LIN28B: variants seen among roughly 807,000 people sequenced by gnomAD.
LIN28B encodes lin-28 RNA binding posttranscriptional regulator B.
A neutral mutation model predicts 21.9 loss-of-function variants in LIN28B; 5 were observed. The observed-to-expected ratio is 0.23, with a 90% CI of 0.12 to 0.48. The LOEUF is 0.48. LIN28B is among the 20% of genes least tolerant of loss of function. The pLI is 0.98. For synonymous variants in LIN28B, 109 were observed against 111.3 expected (o/e 0.98, Z 0.13); for missense variants, 245 against 310.5 (o/e 0.79, Z 1.58).
At chr6:104,986,662 G>T (rs1374415155) in intron 2 of LIN28B, among the ~76,000 whole-genome samples, 1 of 152,058 alleles carries the variant, frequency 6.6e-6, no homozygotes, top group African/African-American at 2.4e-5. Flanking sequence ...GTAAGAATTG[G>T]TCATTCTTGT....
chr6:105,022,309 T>G (rs1023087156), intron 2 of LIN28B, among the ~76,000 whole-genome samples: 6 of 152,152 alleles, frequency 3.9e-5, no homozygotes, highest in African/African-American at 1.2e-4. Flanking sequence ...AGAGGCAGAT[T>G]AATAGGAGAA....
At chr6:104,972,280 G>A (rs1299524054) in intron 2 of LIN28B, among the ~76,000 whole-genome samples, 1 of 151,918 alleles carries the variant, frequency 6.6e-6, no homozygotes, top group Non-Finnish European at 1.5e-5. Flanking sequence ...CCTACTGTGA[G>A]TTTTAAAATA....
At chr6:104,979,629 C>T (rs1770178966) in intron 2 of LIN28B, among the ~76,000 whole-genome samples, 2 of 149,928 alleles carry the variant, frequency 1.3e-5, no homozygotes, top group Non-Finnish European at 3.0e-5. Context: ...GGTATTTATG[C>T]TATTAGCTTA....
Position 104,958,120 on chromosome 6 carries a change from G to A in LIN28B, c.32G>A (p.Gly11Glu), listed in dbSNP as rs1298317028. Residue 11 changes from glycine to glutamate, a missense_variant, in exon 2 of 4, where the codon GGA becomes GAA. By Grantham distance (98) the Gly-to-Glu change is moderately conservative. Coordinates refer to ENST00000345080, the MANE Select transcript of LIN28B (RefSeq NM_001004317.4). ...TCAGGCGGGGCTAGCAAAGGTGGTG[G>A]AGAAGAGCCCGGGAAGCTGCCGGAG... MAEGGASKGG[G>E]EEPGKLPEPA... 2 of 1,597,466 alleles carry A rather than the reference G, an allele frequency of 1.3e-6. No homozygotes were observed. The highest frequency in any genetic ancestry group is 1.7e-6 in the Non-Finnish European group (2 of 1,168,460).
intron 2 of LIN28B, among the ~76,000 whole-genome samples, chr6:104,965,493 A>G (rs1769836456): frequency 6.6e-6 from 1 of 152,226 alleles, no homozygotes; most frequent in Non-Finnish European, 1.5e-5. Flanking sequence ...ATTGCACTCC[A>G]GTCTGGACGA....
chr6:105,040,654 G>A (rs1771613837), intron 3 of LIN28B, among the ~76,000 whole-genome samples: 1 of 151,874 alleles, frequency 6.6e-6, no homozygotes, highest in Non-Finnish European at 1.5e-5. Context: ...ATAATTTAGA[G>A]CCCACAACTT....
intron 2 of LIN28B, among the ~76,000 whole-genome samples, chr6:104,971,745 GTTAAAT>G (rs1769988789): frequency 1.3e-5 from 2 of 151,740 alleles, no homozygotes; most frequent in Non-Finnish European, 2.9e-5. Flanking sequence ...TGTTTACTTA[GTTAAAT>G]TTAAATTTTT....
intron 2 of LIN28B, among the ~76,000 whole-genome samples, chr6:105,007,699 T>C (rs959644250): frequency 6.6e-6 from 1 of 152,062 alleles, no homozygotes; most frequent in African/African-American, 2.4e-5. Context: ...AAATTTTTGT[T>C]TGTTTGTTTT....
intron 2 of LIN28B, among the ~76,000 whole-genome samples, chr6:105,006,531 C>T (rs1047759203): frequency 3.3e-5 from 5 of 152,164 alleles, no homozygotes; most frequent in African/African-American, 1.2e-4. Context: ...AGGCTGGTCT[C>T]GAACTCCTGA....
intron 2 of LIN28B, among the ~76,000 whole-genome samples, chr6:104,975,379 T>G (rs1770069160): frequency 6.6e-6 from 1 of 152,128 alleles, no homozygotes; most frequent in African/African-American, 2.4e-5. Context: ...TACATTAACA[T>G]TTATATTTTG....
intron 2 of LIN28B, among the ~76,000 whole-genome samples, chr6:104,944,868 A>T (rs1451833331): frequency 2.0e-5 from 3 of 152,130 alleles, no homozygotes; most frequent in Non-Finnish European, 4.4e-5. Flanking sequence ...ATTTTCAAGC[A>T]ACCAGTTTCT....
At chr6:105,070,293 A>C (rs914630288) in intron 3 of LIN28B, among the ~76,000 whole-genome samples, 3 of 152,224 alleles carry the variant, frequency 2.0e-5, no homozygotes, top group African/African-American at 7.2e-5. Flanking sequence ...TCACTGGTAG[A>C]CAGGCTCACT....
At chr6:105,064,717 C>T (rs9322830) in intron 3 of LIN28B, among the ~76,000 whole-genome samples, 2,275 of 152,204 alleles carry the variant, frequency 0.015, 61 homozygotes, top group African/African-American at 0.053. Context: ...AATTTACCTC[C>T]TTTTACCACA....
intron 2 of LIN28B, among the ~76,000 whole-genome samples, chr6:104,965,626 A>G (rs759592790): frequency 1.3e-5 from 2 of 152,140 alleles, no homozygotes; most frequent in Non-Finnish European, 2.9e-5. Context: ...GGCTCAAGTG[A>G]TCCTCCTGCC....
At chr6:105,033,997 A>G (rs1287521166) in intron 3 of LIN28B, among the ~76,000 whole-genome samples, 1 of 151,772 alleles carries the variant, frequency 6.6e-6, no homozygotes, top group African/African-American at 2.4e-5. Context: ...TTAGACTAAA[A>G]TGGTCTGGAA....
At chr6:104,990,897 A>C (rs1770451689) in intron 2 of LIN28B, among the ~76,000 whole-genome samples, 1 of 152,248 alleles carries the variant, frequency 6.6e-6, no homozygotes, top group Non-Finnish European at 1.5e-5. Flanking sequence ...ATAGATTAAC[A>C]GCATCCCAAG....
chr6:105,042,587 G>A (rs756389422), intron 3 of LIN28B, among the ~76,000 whole-genome samples: 2 of 151,120 alleles, frequency 1.3e-5, no homozygotes, highest in Non-Finnish European at 2.9e-5. Context: ...ATTAATTGAG[G>A]TCTTCTAGAA....
chr6:104,985,841 GTTTA>G (rs1770327647), intron 2 of LIN28B, among the ~76,000 whole-genome samples: 1 of 152,078 alleles, frequency 6.6e-6, no homozygotes, highest in Non-Finnish European at 1.5e-5. Flanking sequence ...AGATGTCAAG[GTTTA>G]TTTGTTTTGT....
At chr6:105,050,279 A>G (rs1170765679) in intron 3 of LIN28B, among the ~76,000 whole-genome samples, 2 of 152,304 alleles carry the variant, frequency 1.3e-5, no homozygotes, top group Admixed American at 1.3e-4. Flanking sequence ...TTGGCTGGAT[A>G]TGAAATTCTG....
Sources: allele counts gnomAD v4.1 joint callset (sites outside exome capture counted in the v4.1 genomes callset), GRCh38; gene constraint gnomAD v4.1.1; transcripts MANE v1.5; gene names NCBI Gene and HGNC (gene_info 2026-07-23, HGNC 2026-07-21).